Variants in PPP3CA observed in about 807,000 individuals in gnomAD.
The protein encoded by PPP3CA is protein phosphatase 3 catalytic subunit alpha.
Under a neutral mutation model 66.5 loss-of-function variants are expected in PPP3CA, and 14 were observed. The observed-to-expected ratio is 0.21, with a 90% CI of 0.14 to 0.33. PPP3CA has a LOEUF of 0.33. PPP3CA is among the 10% of genes least tolerant of loss of function. The probability of loss-of-function intolerance (pLI) is 1.00; values close to 1 mark genes in which losing one functional copy is unlikely to be tolerated. For synonymous variants in PPP3CA, 232 were observed against 226.2 expected, an observed-to-expected ratio of 1.03 and a Z score of -0.23; for missense variants, 317 against 639.5, an observed-to-expected ratio of 0.50 and a Z score of 5.44.
intron 1 of PPP3CA, among the ~76,000 whole-genome samples, chr4:101,286,700 T>C (rs1373619833): frequency 2.6e-5 from 4 of 152,202 alleles, no homozygotes; most frequent in African/African-American, 9.7e-5. Flanking sequence ...ATTTTAACCA[T>C]TCCTCCAAAA....
intron 10 of PPP3CA, among the ~76,000 whole-genome samples, chr4:101,042,223 T>C (rs1165273042): frequency 1.4e-5 from 2 of 145,542 alleles, no homozygotes; most frequent in African/African-American, 5.3e-5. Flanking sequence ...TGAAAACATA[T>C]GGGTCACTTT....
chr4:101,146,852 T>C (rs927299967), intron 2 of PPP3CA, among the ~76,000 whole-genome samples: 6 of 152,298 alleles, frequency 3.9e-5, no homozygotes, highest in Middle Eastern at 3.4e-3. Context: ...TTTTTAGATT[T>C]CAGATTTGGA....
intron 2 of PPP3CA, among the ~76,000 whole-genome samples, chr4:101,122,066 T>G (rs749127868): frequency 2.5e-4 from 38 of 152,292 alleles, no homozygotes; most frequent in Non-Finnish European, 4.7e-4. Flanking sequence ...TCCCTGCACA[T>G]GTTTCCTGGG....
chr4:101,099,867 T>C (rs1730363130), intron 3 of PPP3CA, 145 bp from the exon 4 acceptor site: 3 of 394,210 alleles, frequency 7.6e-6, no homozygotes, highest in East Asian at 8.3e-5. Flanking sequence ...AGAGAAGATA[T>C]TGACAATCAA....
intron 1 of PPP3CA, among the ~76,000 whole-genome samples, chr4:101,336,907 G>GTACA (rs1729650918): frequency 6.6e-6 from 1 of 152,140 alleles, no homozygotes; most frequent in Non-Finnish European, 1.5e-5. Flanking sequence ...CCAATTCTGG[G>GTACA]AGTCTCATTT....
intron 1 of PPP3CA, among the ~76,000 whole-genome samples, chr4:101,301,396 TAAC>T (rs1419920592): frequency 6.7e-6 from 1 of 148,518 alleles, no homozygotes; most frequent in Admixed American, 6.8e-5. Flanking sequence ...CAAGTAATGT[TAAC>T]AACCATTATG....
At chr4:101,340,070 T>C (rs1729765067) in intron 1 of PPP3CA, among the ~76,000 whole-genome samples, 1 of 152,204 alleles carries the variant, frequency 6.6e-6, no homozygotes, top group Admixed American at 6.5e-5. Context: ...ACCATCATTC[T>C]TCCGGTTTCA....
At chr4:101,284,296 C>T (rs927666226) in intron 1 of PPP3CA, among the ~76,000 whole-genome samples, 1 of 152,060 alleles carries the variant, frequency 6.6e-6, no homozygotes, top group Admixed American at 6.6e-5. Flanking sequence ...TTGGAGTTAA[C>T]GTTACTTCAA....
intron 5 of PPP3CA, among the ~76,000 whole-genome samples, chr4:101,096,737 T>A (rs1431174045): frequency 1.3e-5 from 2 of 152,202 alleles, no homozygotes; most frequent in African/African-American, 4.8e-5. Context: ...CTTTTCATTT[T>A]CCAAACCTAT....
In PPP3CA at chr4:101,346,591, G is replaced by A. The variant is rs1730006297; in HGVS notation, c.58+148C>T. The A allele has an allele frequency of 6.2e-6, 4 of 650,110 alleles. No homozygotes were observed. The East Asian group carries it at 1.3e-4, about 22-fold the overall frequency. 40.3% of individuals were successfully genotyped at this position (650,110 alleles called of 1,614,324 possible). ...CGGGGGCGGGGGGTTCGCGGGGTTCGCGGGTTGCACAATATCCTAGAAGGT... is the reference window on the plus strand; with the variant it reads ...CGGGGGCGGGGGGTTCGCGGGGTTCACGGGTTGCACAATATCCTAGAAGGT... On this transcript the variant is annotated intron_variant, in intron 1 of 13. Coordinates refer to ENST00000394854, the MANE Select transcript of PPP3CA (RefSeq NM_000944.5).
chr4:101,326,687 T>C (rs764749173), intron 1 of PPP3CA, among the ~76,000 whole-genome samples: 20 of 152,184 alleles, frequency 1.3e-4, no homozygotes, highest in Admixed American at 4.6e-4. Flanking sequence ...AAATGTTTCT[T>C]GCATGACAAC....
intron 8 of PPP3CA, among the ~76,000 whole-genome samples, chr4:101,076,333 A>C (rs1342855940): frequency 2.0e-5 from 3 of 152,098 alleles, no homozygotes; most frequent in Non-Finnish European, 4.4e-5. Flanking sequence ...TGCTTAAATC[A>C]ATGCATGTAT....
intron 1 of PPP3CA, among the ~76,000 whole-genome samples, chr4:101,226,632 G>T (rs1725791033): frequency 6.6e-6 from 1 of 151,602 alleles, no homozygotes; most frequent in African/African-American, 2.4e-5. Flanking sequence ...TCATACTATG[G>T]CTACTGGGAA....
chr4:101,346,937 T>C lies in PPP3CA; in HGVS notation c.-141A>G, dbSNP rs1730026733. 7.2e-6 allele frequency: 7 copies of C among 966,998 alleles called. No individual in the cohort carries two copies. Among genetic ancestry groups the C allele is most frequent in the Admixed American group, 4.8e-5 (2 of 41,746 alleles). 59.9% of individuals were successfully genotyped at this position (966,998 alleles called of 1,614,324 possible). A position where few individuals can be genotyped will look rare whatever the true frequency, so the allele number is the denominator to read the frequency against. On this transcript the variant is annotated 5_prime_UTR_variant, in exon 1 of 14. Coordinates refer to ENST00000394854, the MANE Select transcript of PPP3CA (RefSeq NM_000944.5). ...ACCGCTCGGCTGGAGGTCTAGGCTC[T>C]GAGCTGGCTTTAAAGTTGCTGCCTT...
intron 1 of PPP3CA, among the ~76,000 whole-genome samples, chr4:101,262,637 A>C (rs1279797142): frequency 2.0e-5 from 3 of 152,172 alleles, no homozygotes; most frequent in Non-Finnish European, 2.9e-5. Flanking sequence ...ACATGAAGTT[A>C]GGTGGACTCT....
chr4:101,042,809 T>C (rs1041459557), intron 10 of PPP3CA, among the ~76,000 whole-genome samples: 8 of 133,120 alleles, frequency 6.0e-5, no homozygotes, highest in South Asian at 4.4e-4. Context: ...TTTTCTTTTT[T>C]TTTTTTTTTT....
At chr4:101,334,023 A>G (rs1729543285) in intron 1 of PPP3CA, among the ~76,000 whole-genome samples, 1 of 152,222 alleles carries the variant, frequency 6.6e-6, no homozygotes, top group African/African-American at 2.4e-5. Context: ...GGATGGCTTA[A>G]TAAGTAGAAG....
At chr4:101,251,269 T>G (rs3804410) in intron 1 of PPP3CA, among the ~76,000 whole-genome samples, 4 of 151,860 alleles carry the variant, frequency 2.6e-5, no homozygotes, top group African/African-American at 7.3e-5. Context: ...AATATATTTA[T>G]GTATACGTAT....
In PPP3CA at chr4:101,096,599, C is replaced by T. The variant is rs556044738; in HGVS notation, c.642+1768G>A. ...ACTAATCCCCCTTTGAAGGAGGACA[C>T]TTAGTAAGTTTCTCATCTTCCATCC... On this transcript the variant is annotated intron_variant, in intron 5 of 13. Transcript: ENST00000394854. Among the ~76,000 whole-genome samples the T allele has an allele frequency of 1.6e-4, 24 of 152,258 alleles. No individual in the cohort carries two copies. In the South Asian group the frequency reaches 4.8e-3, roughly 30 times the overall value.
Sources: allele counts gnomAD v4.1 joint callset (sites outside exome capture counted in the v4.1 genomes callset), GRCh38; gene constraint gnomAD v4.1.1; transcripts MANE v1.5; gene names NCBI Gene and HGNC (gene_info 2026-07-23, HGNC 2026-07-21).